The following CACNB2 variants were observed in gnomAD, a reference collection of about 807,000 sequenced individuals.
The protein encoded by CACNB2 is voltage-dependent L-type calcium channel subunit beta-2.
In CACNB2, 42 loss-of-function variants were observed where a neutral mutation model predicts 73.3. The ratio of observed to expected loss-of-function variants is 0.57; its 90% CI spans 0.45 to 0.74. CACNB2 has a LOEUF of 0.74. CACNB2 is among the 30% of genes least tolerant of loss of function. The pLI, the probability that CACNB2 is intolerant of heterozygous loss-of-function variation, is 0.00. For synonymous variants in CACNB2, 348 were observed against 310.3 expected, an observed-to-expected ratio of 1.12 and a Z score of -1.28; for missense variants, 940 against 853.0, an observed-to-expected ratio of 1.10 and a Z score of -1.27.
chr10:18,237,193 T>C lies in CACNB2; in HGVS notation c.213+86218T>C, dbSNP rs146995125. 1.3e-3 allele frequency among the ~76,000 whole-genome samples: 205 copies of C among 152,256 alleles called. 2 individuals are homozygous for C. Among genetic ancestry groups the C allele is most frequent in the African/African-American group, 4.8e-3 (198 of 41,542 alleles). ...GAAAAAGGTGGTGTTCTGGGTTGAA[T>C]TGTGTTCCCCCAGAAAGTATGTTGA... On this transcript the variant is annotated intron_variant, in intron 2 of 13. Coordinates refer to ENST00000324631, the MANE Select transcript of CACNB2 (RefSeq NM_201596.3).
At chr10:18,279,231 T>A (rs1236389308) in intron 2 of CACNB2, among the ~76,000 whole-genome samples, 1 of 152,162 alleles carries the variant, frequency 6.6e-6, no homozygotes, top group African/African-American at 2.4e-5. Context: ...CTGGAAGAAA[T>A]TCAGAGAGCC....
chr10:18,200,164 C>T (rs1451068735), intron 2 of CACNB2, among the ~76,000 whole-genome samples: 1 of 151,958 alleles, frequency 6.6e-6, no homozygotes, highest in African/African-American at 2.4e-5. Flanking sequence ...TTTAAAAATA[C>T]TAAATACGTG....
At chr10:18,266,507 G>A (rs1023504879) in intron 2 of CACNB2, among the ~76,000 whole-genome samples, 2 of 149,336 alleles carry the variant, frequency 1.3e-5, no homozygotes, top group Admixed American at 1.3e-4. Context: ...GTAGAATGTA[G>A]GTAGTATAGT....
At chr10:18,285,058 T>C (rs966650665) in intron 2 of CACNB2, among the ~76,000 whole-genome samples, 1 of 152,188 alleles carries the variant, frequency 6.6e-6, no homozygotes, top group Non-Finnish European at 1.5e-5. Flanking sequence ...AGCAGTTCTG[T>C]GCTCATCAAA....
chr10:18,318,653 C>T (rs2040283816), intron 2 of CACNB2, among the ~76,000 whole-genome samples: 1 of 152,132 alleles, frequency 6.6e-6, no homozygotes. Context: ...AAACTATCAT[C>T]ATGGTGAACA....
At position 18,540,772 on chromosome 10, in the gene CACNB2, G is replaced by A. The variant is rs2054030029; in HGVS notation, c.*1048G>A. On this transcript the variant is annotated 3_prime_UTR_variant, in exon 14 of 14. Coordinates refer to ENST00000324631, the MANE Select transcript of CACNB2 (RefSeq NM_201596.3). ...CACCGAGTGACTGAATGGTTGAGAT[G>A]AATTGGAATGCTGAAGACTAACGAA... 1 of 152,636 alleles carries A rather than the reference G, an allele frequency of 6.6e-6. No individual in the cohort carries two copies. Among genetic ancestry groups the A allele is most frequent in the African/African-American group, 2.4e-5 (1 of 41,446 alleles). The allele number at this position is 152,636 out of a possible 1,614,324, so 9.5% of individuals were successfully genotyped here. A position where few individuals can be genotyped will look rare whatever the true frequency, so the allele number is the denominator to read the frequency against.
At chr10:18,315,499 TAAAAAAAAAAAAAA>T (rs756721525) in intron 2 of CACNB2, among the ~76,000 whole-genome samples, 439 of 39,522 alleles carry the variant, frequency 0.011, 12 homozygotes, top group African/African-American at 0.042. Context: ...TGTCTCTATT[TAAAAAAAAAAAAAA>T]AAAAAAAAAA....
intron 3 of CACNB2, among the ~76,000 whole-genome samples, chr10:18,497,370 T>A (rs1279280683): frequency 6.6e-6 from 1 of 152,160 alleles, no homozygotes; most frequent in Non-Finnish European, 1.5e-5. Flanking sequence ...TAAATAGGTA[T>A]TAGCTAAAGA....
chr10:18,528,628 A>G lies in CACNB2; in HGVS notation c.1054+931A>G, dbSNP rs929728501. 1.3e-5 allele frequency among the ~76,000 whole-genome samples: 2 copies of G among 152,226 alleles called. 1 individual carries two copies. Among genetic ancestry groups the G allele is most frequent in the African/African-American group, 4.8e-5 (2 of 41,464 alleles). On this transcript the variant is annotated intron_variant, in intron 10 of 13. Transcript: ENST00000324631. The stretch of plus-strand genomic sequence containing the variant: ...AACTATTATAAATAATAAGCTTTAT[A>G]TGTTAGCAATGAGCATGATACATTA...
chr10:18,330,201 G>T (rs368374339), intron 2 of CACNB2, among the ~76,000 whole-genome samples: 13 of 151,866 alleles, frequency 8.6e-5, no homozygotes. Flanking sequence ...CCTAAAAATC[G>T]CATTCATTAT....
At chr10:18,154,736 G>T (rs1405379164) in intron 2 of CACNB2, among the ~76,000 whole-genome samples, 1 of 152,112 alleles carries the variant, frequency 6.6e-6, no homozygotes, top group Non-Finnish European at 1.5e-5. Flanking sequence ...CCAAAGTGCT[G>T]GGATTACAGA....
intron 2 of CACNB2, among the ~76,000 whole-genome samples, chr10:18,398,538 G>A (rs915750366): frequency 2.0e-5 from 3 of 152,064 alleles, no homozygotes; most frequent in African/African-American, 7.2e-5. Context: ...AGGAATGGGA[G>A]CACATGCTTG....
At chr10:18,309,234 G>A (rs956425667) in intron 2 of CACNB2, among the ~76,000 whole-genome samples, 1 of 152,094 alleles carries the variant, frequency 6.6e-6, no homozygotes, top group African/African-American at 2.4e-5. Context: ...TTTATGACGG[G>A]AGAAAGAGGG....
chr10:18,235,231 T>C (rs2036393982), intron 2 of CACNB2, among the ~76,000 whole-genome samples: 1 of 151,442 alleles, frequency 6.6e-6, no homozygotes, highest in Non-Finnish European at 1.5e-5. Flanking sequence ...GGCAGGAGGA[T>C]CGCTGGAGAC....
At chr10:18,392,003 C>T (rs894066224) in intron 2 of CACNB2, among the ~76,000 whole-genome samples, 3 of 151,250 alleles carry the variant, frequency 2.0e-5, no homozygotes, top group East Asian at 1.9e-4. Context: ...TTGGAAATAC[C>T]GCTGCAATCA....
At chr10:18,361,419 A>G (rs1479355532) in intron 2 of CACNB2, among the ~76,000 whole-genome samples, 1 of 151,434 alleles carries the variant, frequency 6.6e-6, no homozygotes. Flanking sequence ...GAATCGCTTG[A>G]ATCCAGGAGG....
chr10:18,473,576 A>G (rs1009203760), intron 3 of CACNB2, among the ~76,000 whole-genome samples: 1 of 152,168 alleles, frequency 6.6e-6, no homozygotes, highest in Non-Finnish European at 1.5e-5. Flanking sequence ...TCCTAGGAAC[A>G]GACTCTGGAC....
intron 3 of CACNB2, among the ~76,000 whole-genome samples, chr10:18,448,172 C>T (rs940428053): frequency 2.0e-5 from 3 of 151,958 alleles, no homozygotes; most frequent in African/African-American, 7.2e-5. Flanking sequence ...ACTAAAATCC[C>T]TGGAATGGTA....
Position 18,539,907 on chromosome 10 carries a change from T to TGTAAGTGCTACATAAATTGGCCTG in CACNB2, c.*187_*210dup. 1.4e-6 allele frequency: 1 copy of TGTAAGTGCTACATAAATTGGCCTG among 694,568 alleles called. No individual in the cohort carries two copies. The highest frequency in any genetic ancestry group is 2.0e-5 in the South Asian group (1 of 50,502). 43.0% of individuals were successfully genotyped at this position (694,568 alleles called of 1,614,324 possible). A position where few individuals can be genotyped will look rare whatever the true frequency, so the allele number is the denominator to read the frequency against. On this transcript the variant is annotated 3_prime_UTR_variant, in exon 14 of 14. Coordinates refer to ENST00000324631, the MANE Select transcript of CACNB2 (RefSeq NM_201596.3). ...TAGAGTATTGAGATACTTTTTCTTT[T>TGTAAGTGCTACATAAATTGGCCTG]GTAAGTGCTACATAAATTGGCCTGG...
Sources: gnomAD v4.1 joint callset for allele counts (sites outside exome capture counted in the v4.1 genomes callset) on GRCh38, gnomAD v4.1.1 for gene constraint, MANE v1.5 for transcripts, NCBI Gene and HGNC (gene_info 2026-07-23, HGNC 2026-07-21) for gene names.